Variants in MAP3K19 observed in about 807,000 individuals in gnomAD.
MAP3K19 encodes the protein SPS1/STE20-related protein kinase YSK4.
Under a neutral mutation model 114.4 loss-of-function variants are expected in MAP3K19, and 91 were observed. That is an observed-to-expected ratio of 0.80 (90% CI 0.67 to 0.95). The LOEUF is 0.95. Ranked by LOEUF, MAP3K19 falls within the 40% of genes least tolerant of loss-of-function variation. The probability of loss-of-function intolerance (pLI) is 0.00; values close to 1 mark genes in which losing one functional copy is unlikely to be tolerated. For synonymous variants in MAP3K19, 518 were observed against 530.5 expected (o/e 0.98, Z 0.32); for missense variants, 1,471 against 1,573.2 (o/e 0.94, Z 1.10).
At chr2:134,995,080 G>A (rs985638396) in intron 8 of MAP3K19, among the ~76,000 whole-genome samples, 1 of 152,106 alleles carries the variant, frequency 6.6e-6, no homozygotes, top group Non-Finnish European at 1.5e-5. Context: ...GGGAAGCTGA[G>A]GTGGGTAAAT....
At chr2:135,039,671 C>G (rs1688608552) in intron 2 of MAP3K19, among the ~76,000 whole-genome samples, 1 of 152,142 alleles carries the variant, frequency 6.6e-6, no homozygotes, top group Admixed American at 6.5e-5. Flanking sequence ...TCTTTTCCAG[C>G]CTAGTTTCCC....
At chr2:134,972,121 T>A (rs912936423) in intron 12 of MAP3K19, among the ~76,000 whole-genome samples, 1 of 152,120 alleles carries the variant, frequency 6.6e-6, no homozygotes, top group Admixed American at 6.5e-5. Flanking sequence ...TTTAATTATT[T>A]TAAAATGTAC....
intron 9 of MAP3K19, chr2:134,991,256 G>A: frequency 2.7e-6 from 1 of 364,772 alleles, no homozygotes; most frequent in Non-Finnish European, 5.2e-6. Context: ...AGCCGAGATT[G>A]CACCACTGCA....
chr2:134,970,012 C>T (rs910655034), intron 12 of MAP3K19, among the ~76,000 whole-genome samples: 1 of 152,046 alleles, frequency 6.6e-6, no homozygotes, highest in Non-Finnish European at 1.5e-5. Flanking sequence ...GTTACTGTAG[C>T]CTTGTAATAT....
At chr2:134,969,582 A>T (rs1376055845) in intron 12 of MAP3K19, among the ~76,000 whole-genome samples, 1 of 152,094 alleles carries the variant, frequency 6.6e-6, no homozygotes, top group Non-Finnish European at 1.5e-5. Flanking sequence ...AACATTTTGC[A>T]AATATTTTCT....
intron 5 of MAP3K19, among the ~76,000 whole-genome samples, chr2:135,018,286 A>T (rs1233988318): frequency 1.3e-5 from 2 of 150,934 alleles, no homozygotes; most frequent in Non-Finnish European, 3.0e-5. Context: ...AACAGCAAAA[A>T]AAAAAAAAAA....
rs1054458367 is a variant in MAP3K19 at position 135,025,372 on chromosome 2, C to CTTTTTTTTTTTTTTTTTTT, written c.-94-632_-94-631insAAAAAAAAAAAAAAAAAAA. ...AGTGTGCCTCTCCACATGGCCTTTT[C>CTTTTTTTTTTTTTTTTTTT]TTTTCTTTTTTTTTTTTTTTTTTTT... On this transcript the variant is annotated intron_variant, in intron 3 of 12. Coordinates refer to ENST00000392915, the MANE Select transcript of MAP3K19 (RefSeq NM_025052.5). 2.9e-5 allele frequency among the ~76,000 whole-genome samples: 2 copies of CTTTTTTTTTTTTTTTTTTT among 70,138 alleles called. 1 individual carries two copies. Among genetic ancestry groups the CTTTTTTTTTTTTTTTTTTT allele is most frequent in the African/African-American group, 1.4e-4 (2 of 14,178 alleles). 46.0% of individuals were successfully genotyped at this position (70,138 alleles called of 152,430 possible). A position where few individuals can be genotyped will look rare whatever the true frequency, so the allele number is the denominator to read the frequency against.
At chr2:135,021,646 T>G in intron 5 of MAP3K19, 69 bp downstream of exon 5, 2 of 823,138 alleles carry the variant, frequency 2.4e-6, no homozygotes, top group South Asian at 1.7e-5. Context: ...TTATGAAGTA[T>G]TCAAGCAACA....
chr2:135,044,790 T>C (rs1324644052), intron 1 of MAP3K19, among the ~76,000 whole-genome samples: 1 of 152,218 alleles, frequency 6.6e-6, no homozygotes, highest in Non-Finnish European at 1.5e-5. Flanking sequence ...CCCCTCTGCC[T>C]GATAAGAACC....
intron 9 of MAP3K19, among the ~76,000 whole-genome samples, chr2:134,989,563 A>C (rs142543275): frequency 6.6e-6 from 1 of 152,344 alleles, no homozygotes; most frequent in Non-Finnish European, 1.5e-5. Context: ...AGTAACAGCC[A>C]TTACAATTTT....
chr2:135,002,418 ATT>A (rs1188303933), intron 6 of MAP3K19, among the ~76,000 whole-genome samples: 2 of 86,074 alleles, frequency 2.3e-5, no homozygotes, highest in East Asian at 8.1e-4. Flanking sequence ...TGGTCTCCTT[ATT>A]TTATTTTATT....
chr2:134,982,118 T>C (rs1485958764), intron 11 of MAP3K19, among the ~76,000 whole-genome samples: 5 of 138,090 alleles, frequency 3.6e-5, no homozygotes, highest in South Asian at 2.4e-4. Flanking sequence ...TCTTTCTTTT[T>C]TTTTTTTTTT....
intron 10 of MAP3K19, among the ~76,000 whole-genome samples, 184 bp downstream of exon 10, chr2:134,985,616 A>T (rs1030188132): frequency 6.6e-6 from 1 of 152,216 alleles, no homozygotes; most frequent in Non-Finnish European, 1.5e-5. Flanking sequence ...CAATATAATG[A>T]AAACATCTTA....
At position 134,988,259 on chromosome 2, in the gene MAP3K19, A is replaced by G; in HGVS notation, c.619-6T>C. 1 of 1,539,772 alleles carries G rather than the reference A, an allele frequency of 6.5e-7. No individual in the cohort carries two copies. Among genetic ancestry groups the G allele is most frequent in the Non-Finnish European group, 8.7e-7 (1 of 1,153,518 alleles). On this transcript the variant is annotated splice_region_variant and splice_polypyrimidine_tract_variant and intron_variant, in intron 9 of 12. Transcript: ENST00000392915. ...GACAGTGGTGGCAGAAGGAACTAAA[A>G]GGAAGACAGAAAAAGCTGTGAATGC...
At position 134,979,690 on chromosome 2, in the gene MAP3K19, G is replaced by A. The variant is rs78669120; in HGVS notation, c.3920+1131C>T. On this transcript the variant is annotated intron_variant, in intron 12 of 12. Transcript: ENST00000392915. ...GAGGGTGGGCAGCTCAGTGACTGGG[G>A]CTCTGTCCACAAAATCCACGCTGGA... 0.023 allele frequency among the ~76,000 whole-genome samples: 3,374 copies of A among 148,234 alleles called. 363 individuals are homozygous for A. The East Asian group carries it at 0.37, about 16-fold the overall frequency.
rs1235217242 is a variant in MAP3K19 at position 134,983,804 on chromosome 2, T to A, written c.3094A>T (p.Ile1032Leu). 6.3e-7 allele frequency: 1 copy of A among 1,594,524 alleles called. No homozygotes were observed. Among genetic ancestry groups the A allele is most frequent in the African/African-American group, 1.4e-5 (1 of 73,642 alleles). Residue 1032 changes from isoleucine (I) to leucine (L), a missense_variant, in exon 11 of 13, where the codon ATA becomes TTA. Physicochemically the swap from Ile to Leu is conservative, Grantham distance 5. Transcript: ENST00000392915. ...KIQRHSSGLR[I>L]YDREEKFLIS... ...AGAAATTTCTCCTCCCTGTCATATA[T>A]CCTGAGCCCACTACTATGCCTCTGG... is the stretch of plus-strand genomic sequence containing the variant.
intron 5 of MAP3K19, among the ~76,000 whole-genome samples, chr2:135,011,536 C>CAAAAAAA (rs61361416): frequency 1.3e-5 from 1 of 79,248 alleles, no homozygotes; most frequent in African/African-American, 4.3e-5. Context: ...GACTCTGTCT[C>CAAAAAAA]AAAAAAAAAA....
At chr2:134,991,158 G>A (rs373075892) in intron 9 of MAP3K19, among the ~76,000 whole-genome samples, 7 of 151,954 alleles carry the variant, frequency 4.6e-5, no homozygotes, top group South Asian at 2.1e-4. Flanking sequence ...AAAATTAGCC[G>A]GGCGTGGTGG....
intron 6 of MAP3K19, 39 bp from the exon 7 acceptor site, chr2:135,000,054 A>T: frequency 2.2e-6 from 3 of 1,350,512 alleles, no homozygotes; most frequent in Non-Finnish European, 3.2e-6. Flanking sequence ...GAAGAAAGTA[A>T]TGAATTCCAG....
Sources: allele counts gnomAD v4.1 joint callset (sites outside exome capture counted in the v4.1 genomes callset), GRCh38; gene constraint gnomAD v4.1.1; transcripts MANE v1.5; gene names NCBI Gene and HGNC (gene_info 2026-07-23, HGNC 2026-07-21).